Variants in ROBO2 observed in about 807,000 individuals in gnomAD.
The protein encoded by ROBO2 is roundabout homolog 2.
A neutral mutation model predicts 160.8 loss-of-function variants in ROBO2; 53 were observed. The observed-to-expected ratio is 0.33, with a 90% CI of 0.26 to 0.41. ROBO2 has a LOEUF of 0.41. Ranked by LOEUF, ROBO2 falls within the 10% of genes least tolerant of loss-of-function variation. ROBO2 has a pLI of 1.00. For missense variants in ROBO2, 1,577 were observed against 1,722.4 expected, an observed-to-expected ratio of 0.92 and a Z score of 1.49; for synonymous variants, 664 against 611.7, an observed-to-expected ratio of 1.09 and a Z score of -1.26.
intron 2 of ROBO2, among the ~76,000 whole-genome samples, chr3:76,514,319 C>G (rs1016556191): frequency 2.0e-5 from 3 of 152,148 alleles, no homozygotes; most frequent in African/African-American, 7.2e-5. Context: ...AGGGCCCACC[C>G]AGGCGCTCAC....
chr3:76,830,659 G>A (rs769772773), intron 2 of ROBO2, among the ~76,000 whole-genome samples: 15 of 151,528 alleles, frequency 9.9e-5, no homozygotes, highest in African/African-American at 3.4e-4. Flanking sequence ...TGTATTCTAC[G>A]TATATTTCAA....
chr3:76,362,956 C>T (rs1246992931), intron 2 of ROBO2, among the ~76,000 whole-genome samples: 5 of 151,958 alleles, frequency 3.3e-5, no homozygotes, highest in Non-Finnish European at 5.9e-5. Context: ...GCAGGTCAGG[C>T]GACATACACT....
intron 2 of ROBO2, among the ~76,000 whole-genome samples, chr3:76,338,212 G>C (rs2074009504): frequency 1.3e-5 from 2 of 152,068 alleles, no homozygotes; most frequent in South Asian, 4.1e-4. Flanking sequence ...GGATCAAATG[G>C]AGTGTGAGTT....
rs1185989956 is a variant in ROBO2 at position 77,612,661 on chromosome 3, A to G, written c.3293+4707A>G. On this transcript the variant is annotated intron_variant, in intron 21 of 25. Coordinates refer to ENST00000461745, the Ensembl canonical transcript of ROBO2. ...AAAATGACACAGAAAAATTGGTGAT[A>G]ACTGGCTAGGCGCGGTAGCTCACTC... Among the ~76,000 whole-genome samples the G allele has an allele frequency of 2.0e-5, 3 of 152,160 alleles. No homozygotes were observed. The East Asian group carries it at 5.8e-4, about 29-fold the overall frequency.
intron 2 of ROBO2, among the ~76,000 whole-genome samples, chr3:76,173,045 G>C (rs1246201544): frequency 1.3e-5 from 2 of 151,908 alleles, no homozygotes; most frequent in African/African-American, 4.8e-5. Context: ...AAATTCATCA[G>C]AGGAAATATG....
At chr3:76,632,670 A>G (rs1170591568) in intron 2 of ROBO2, among the ~76,000 whole-genome samples, 2 of 152,242 alleles carry the variant, frequency 1.3e-5, no homozygotes, top group African/African-American at 2.4e-5. Context: ...ATTTTAATTT[A>G]CATAGTATAC....
At chr3:76,735,790 GAA>G (rs2093700902) in intron 2 of ROBO2, among the ~76,000 whole-genome samples, 1 of 122,028 alleles carries the variant, frequency 8.2e-6, no homozygotes, top group African/African-American at 3.5e-5. Context: ...AAAAAAAGGG[GAA>G]AGGGAAAAGA....
chr3:76,092,269 C>A (rs750988184), intron 2 of ROBO2, among the ~76,000 whole-genome samples: 1 of 152,128 alleles, frequency 6.6e-6, no homozygotes, highest in Non-Finnish European at 1.5e-5. Flanking sequence ...AAAAAATACA[C>A]ATATATTTGA....
intron 2 of ROBO2, among the ~76,000 whole-genome samples, chr3:76,170,532 C>T (rs2073003511): frequency 6.6e-6 from 1 of 152,110 alleles, no homozygotes; most frequent in African/African-American, 2.4e-5. Flanking sequence ...AATTAGACAT[C>T]ATTACAGTGA....
intron 2 of ROBO2, among the ~76,000 whole-genome samples, chr3:76,223,599 A>G (rs1704111536): frequency 6.6e-6 from 1 of 152,168 alleles, no homozygotes; most frequent in African/African-American, 2.4e-5. Flanking sequence ...CGGTGCCCTC[A>G]TTTTAACAGT....
intron 2 of ROBO2, among the ~76,000 whole-genome samples, chr3:76,318,906 C>A (rs962048481): frequency 6.6e-6 from 1 of 151,924 alleles, no homozygotes; most frequent in African/African-American, 2.4e-5. Flanking sequence ...AGGTGTTTGC[C>A]CAAGTCAACT....
At chr3:76,510,278 C>T (rs1463597276) in intron 2 of ROBO2, among the ~76,000 whole-genome samples, 2 of 152,128 alleles carry the variant, frequency 1.3e-5, no homozygotes, top group African/African-American at 4.8e-5. Context: ...ATCTATAACA[C>T]ACAAAATCAG....
At chr3:76,569,942 T>C (rs1341894809) in intron 2 of ROBO2, among the ~76,000 whole-genome samples, 3 of 152,042 alleles carry the variant, frequency 2.0e-5, no homozygotes, top group Non-Finnish European at 4.4e-5. Flanking sequence ...CTGGGCAACA[T>C]AGGGAGACAT....
chr3:76,591,123 A>G (rs1190499734), intron 2 of ROBO2, among the ~76,000 whole-genome samples: 2 of 152,082 alleles, frequency 1.3e-5, no homozygotes, highest in Non-Finnish European at 2.9e-5. Context: ...TGGAAGCCTT[A>G]CTGATAATAT....
intron 2 of ROBO2, among the ~76,000 whole-genome samples, chr3:77,228,390 A>G (rs2086742793): frequency 6.6e-6 from 1 of 151,890 alleles, no homozygotes; most frequent in Non-Finnish European, 1.5e-5. Flanking sequence ...TCAGAAAACA[A>G]ACAGATATTG....
At chr3:77,351,913 CA>C (rs2068389823) in intron 2 of ROBO2, among the ~76,000 whole-genome samples, 1 of 149,862 alleles carries the variant, frequency 6.7e-6, no homozygotes, top group Non-Finnish European at 1.5e-5. Flanking sequence ...CACATGGACA[CA>C]GGAAGGGGAA....
At chr3:77,010,425 C>G (rs890019248) in intron 2 of ROBO2, among the ~76,000 whole-genome samples, 11 of 152,160 alleles carry the variant, frequency 7.2e-5, no homozygotes, top group Non-Finnish European at 1.5e-4. Flanking sequence ...GCTTAACATT[C>G]TCCAAAGACA....
chr3:76,181,971 T>C (rs1351306958), intron 2 of ROBO2, among the ~76,000 whole-genome samples: 2 of 152,186 alleles, frequency 1.3e-5, no homozygotes, highest in East Asian at 3.9e-4. Flanking sequence ...TGTCTCTTTT[T>C]ATTTCTAACA....
intron 2 of ROBO2, among the ~76,000 whole-genome samples, chr3:77,200,576 G>A (rs1372682220): frequency 6.6e-6 from 1 of 151,704 alleles, no homozygotes; most frequent in African/African-American, 2.4e-5. Context: ...CTTTTGTCTT[G>A]CATAAAGACG....
Sources: allele counts gnomAD v4.1 joint callset (sites outside exome capture counted in the v4.1 genomes callset), GRCh38; gene constraint gnomAD v4.1.1; transcripts MANE v1.5; gene names NCBI Gene and HGNC (gene_info 2026-07-23, HGNC 2026-07-21).